The following BBS9 variants were observed in gnomAD, a reference collection of about 807,000 sequenced individuals.
BBS9 encodes Bardet-Biedl syndrome 9.
BBS9 carries 89 observed loss-of-function variants against 117.7 expected under a neutral mutation model. That is an observed-to-expected ratio of 0.76 (90% CI 0.64 to 0.90). The LOEUF (loss-of-function observed/expected upper bound fraction) is 0.90. BBS9 is among the 40% of genes least tolerant of loss of function. BBS9 has a pLI of 0.00. For synonymous variants in BBS9, 379 were observed against 370.9 expected (o/e 1.02, Z -0.25); for missense variants, 982 against 1,042.2 (o/e 0.94, Z 0.80).
intron 21 of BBS9, among the ~76,000 whole-genome samples, chr7:33,602,402 G>C (rs1863932348): frequency 6.6e-6 from 1 of 152,122 alleles, no homozygotes; most frequent in Non-Finnish European, 1.5e-5. Context: ...TGGGTGTGCT[G>C]TTGGGCAGTC....
chr7:33,398,405 A>G (rs748517457), intron 19 of BBS9, among the ~76,000 whole-genome samples: 1 of 152,196 alleles, frequency 6.6e-6, no homozygotes, highest in Non-Finnish European at 1.5e-5. Context: ...AGATAACTGA[A>G]TGGTATGCTT....
chr7:33,171,050 T>C (rs1350120145), intron 4 of BBS9, among the ~76,000 whole-genome samples: 2 of 150,912 alleles, frequency 1.3e-5, no homozygotes, highest in African/African-American at 4.9e-5. Context: ...ACAGATTCAA[T>C]GCCATCCCCA....
At chr7:33,393,317 C>A (rs1241015262) in intron 19 of BBS9, among the ~76,000 whole-genome samples, 1 of 152,292 alleles carries the variant, frequency 6.6e-6, no homozygotes. Context: ...AATCTATTAT[C>A]CAGTTTTTTA....
At chr7:33,144,146 A>G (rs1015478614) in intron 1 of BBS9, among the ~76,000 whole-genome samples, 1 of 152,182 alleles carries the variant, frequency 6.6e-6, no homozygotes, top group African/African-American at 2.4e-5. Flanking sequence ...CACTGGTTGC[A>G]TGGTTAACAT....
intron 19 of BBS9, among the ~76,000 whole-genome samples, chr7:33,418,715 G>A (rs940185201): frequency 6.6e-6 from 1 of 152,156 alleles, no homozygotes; most frequent in Non-Finnish European, 1.5e-5. Context: ...TAATAGGGAA[G>A]AAGGTAACCC....
intron 19 of BBS9, among the ~76,000 whole-genome samples, chr7:33,467,495 A>T (rs1349019444): frequency 6.6e-6 from 1 of 151,226 alleles, no homozygotes; most frequent in African/African-American, 2.4e-5. Flanking sequence ...TTGCACTTTG[A>T]CCTAATTGGC....
intron 19 of BBS9, among the ~76,000 whole-genome samples, chr7:33,457,402 A>G (rs143774822): frequency 9.7e-4 from 147 of 152,258 alleles, no homozygotes; most frequent in Middle Eastern, 3.4e-3. Flanking sequence ...CCTTTATTCC[A>G]CCTGTCCTGA....
intron 5 of BBS9, among the ~76,000 whole-genome samples, chr7:33,241,986 T>A (rs568564209): frequency 6.6e-6 from 1 of 152,284 alleles, no homozygotes; most frequent in East Asian, 1.9e-4. Flanking sequence ...ACTTTGACTT[T>A]GAGGTCATAT....
chr7:33,551,287 G>A (rs1223632264), intron 21 of BBS9, among the ~76,000 whole-genome samples: 1 of 152,148 alleles, frequency 6.6e-6, no homozygotes. Context: ...AAGGGCTGAG[G>A]TGTAGGAGTC....
At chr7:33,555,132 A>G (rs1232706291) in intron 21 of BBS9, among the ~76,000 whole-genome samples, 1 of 152,244 alleles carries the variant, frequency 6.6e-6, no homozygotes, top group Non-Finnish European at 1.5e-5. Context: ...AATATAGCCA[A>G]TATAAACACT....
chr7:33,524,800 G>A (rs929236604), intron 20 of BBS9, among the ~76,000 whole-genome samples: 6 of 152,056 alleles, frequency 3.9e-5, no homozygotes, highest in South Asian at 2.1e-4. Flanking sequence ...GCTTTTGAAT[G>A]TGTTTGCTCT....
chr7:33,621,030 A>G (rs1181245467), intron 21 of BBS9, among the ~76,000 whole-genome samples: 1 of 152,202 alleles, frequency 6.6e-6, no homozygotes, highest in African/African-American at 2.4e-5. Context: ...ATGCAGAAGA[A>G]TGAAAAATTG....
At chr7:33,437,882 A>C (rs1271385180) in intron 19 of BBS9, among the ~76,000 whole-genome samples, 1 of 152,184 alleles carries the variant, frequency 6.6e-6, no homozygotes, top group African/African-American at 2.4e-5. Flanking sequence ...TTGCAAAAAC[A>C]AAACAAATAA....
At chr7:33,618,840 TACAC>T (rs1562536182) in intron 21 of BBS9, among the ~76,000 whole-genome samples, 2 of 151,706 alleles carry the variant, frequency 1.3e-5, no homozygotes. Flanking sequence ...CATACACACA[TACAC>T]ACACACATGA....
chr7:33,213,751 C>T (rs1196204209), intron 5 of BBS9, among the ~76,000 whole-genome samples: 2 of 152,056 alleles, frequency 1.3e-5, no homozygotes, highest in African/African-American at 4.8e-5. Context: ...GCCTTTTGGT[C>T]CAGGGTGTGT....
At chr7:33,254,156 C>A (rs1386348745) in intron 5 of BBS9, among the ~76,000 whole-genome samples, 5 of 152,108 alleles carry the variant, frequency 3.3e-5, no homozygotes, top group Non-Finnish European at 5.9e-5. Context: ...TAGATGTTCT[C>A]TTTTATTTTT....
intron 5 of BBS9, among the ~76,000 whole-genome samples, chr7:33,248,669 A>AG (rs1474079099): frequency 6.6e-6 from 1 of 152,140 alleles, no homozygotes; most frequent in Non-Finnish European, 1.5e-5. Flanking sequence ...ATGTTGTATC[A>AG]TTTTTGAGGT....
chr7:33,442,198 G>A (rs541470288), intron 19 of BBS9, among the ~76,000 whole-genome samples: 11 of 152,230 alleles, frequency 7.2e-5, no homozygotes, highest in Admixed American at 5.9e-4. Flanking sequence ...GACTGCTGGC[G>A]TATGCTTCTA....
At chr7:33,418,825 T>A (rs1226598765) in intron 19 of BBS9, among the ~76,000 whole-genome samples, 1 of 152,198 alleles carries the variant, frequency 6.6e-6, no homozygotes, top group African/African-American at 2.4e-5. Flanking sequence ...TTTCCTTTTT[T>A]AAAAAAGAAA....
Sources: allele counts gnomAD v4.1 joint callset (sites outside exome capture counted in the v4.1 genomes callset), GRCh38; gene constraint gnomAD v4.1.1; transcripts MANE v1.5; gene names NCBI Gene and HGNC (gene_info 2026-07-23, HGNC 2026-07-21).